ATRX: variants seen among roughly 807,000 people sequenced by gnomAD.
ATRX encodes chromatin remodeler ATRX.
A neutral mutation model predicts 172.6 loss-of-function variants in ATRX; 12 were observed. The observed-to-expected ratio is 0.07, with a 90% CI of 0.04 to 0.11. The LOEUF is 0.11. ATRX is among the 10% of genes least tolerant of loss of function. ATRX has a pLI of 1.00. For missense variants in ATRX, 1,368 were observed against 1,767.4 expected (o/e 0.77, Z 4.05); for synonymous variants, 674 against 594.7 (o/e 1.13, Z -1.94).
chrX:77,770,102 T>TA (rs1328684002), intron 1 of ATRX, among the ~76,000 whole-genome samples: 2 of 108,639 alleles, frequency 1.8e-5, no homozygotes, highest in Admixed American at 2.0e-4. Flanking sequence ...TGGGAAATGA[T>TA]AAACTTTTTT....
At chrX:77,521,335 A>G (rs1265813105) in intron 33 of ATRX, 68 bp downstream of exon 33, 2 of 868,287 alleles carry the variant, frequency 2.3e-6, no homozygotes, top group Non-Finnish European at 3.4e-6. Flanking sequence ...AAAAATTTAA[A>G]AAAATGGCAG....
At chrX:77,640,653 G>C (rs2068609958) in intron 15 of ATRX, among the ~76,000 whole-genome samples, 1 of 110,663 alleles carries the variant, frequency 9.0e-6, no homozygotes. Context: ...CCTCAGAGTA[G>C]GAAAACCAAC....
At chrX:77,659,749 G>A (rs1325280993) in intron 12 of ATRX, among the ~76,000 whole-genome samples, 2 of 111,336 alleles carry the variant, frequency 1.8e-5, no homozygotes, top group Non-Finnish European at 3.8e-5. Flanking sequence ...TTCACATGTT[G>A]CACTTTGTTC....
At chrX:77,664,866 A>C (rs1175717590) in intron 10 of ATRX, 88 bp from the exon 11 acceptor site, 11 of 891,924 alleles carry the variant, frequency 1.2e-5, no homozygotes, top group Non-Finnish European at 1.7e-5. Flanking sequence ...TCTTTGAATC[A>C]AAATAGAAAT....
chrX:77,664,118 T>G (rs868929363), intron 11 of ATRX, among the ~76,000 whole-genome samples: 13 of 108,485 alleles, frequency 1.2e-4, no homozygotes, highest in African/African-American at 3.7e-4. Flanking sequence ...AAAAAAAAAA[T>G]CATCTGTTTA....
At chrX:77,556,869 G>C (rs1217748853) in intron 30 of ATRX, among the ~76,000 whole-genome samples, 6 of 111,944 alleles carry the variant, frequency 5.4e-5, no homozygotes, top group Non-Finnish European at 7.5e-5. Flanking sequence ...ATGATTTGAA[G>C]ACCAGCTTTA....
At chrX:77,554,957 G>A (rs950020253) in intron 30 of ATRX, among the ~76,000 whole-genome samples, 1 of 111,891 alleles carries the variant, frequency 8.9e-6, no homozygotes, top group Admixed American at 9.5e-5. Flanking sequence ...AAGCAGGCAC[G>A]TCCTCTCTTT....
intron 9 of ATRX, 147 bp from the exon 10 acceptor site, chrX:77,676,445 T>A (rs1215968060): frequency 2.1e-5 from 9 of 423,203 alleles, no homozygotes; most frequent in Non-Finnish European, 3.7e-5. Flanking sequence ...AAAGCATTCT[T>A]ATAGAAAACA....
At chrX:77,632,814 T>C (rs2068173627) in intron 19 of ATRX, among the ~76,000 whole-genome samples, 2 of 111,660 alleles carry the variant, frequency 1.8e-5, no homozygotes, top group African/African-American at 3.3e-5. Context: ...TAAAAGGAGA[T>C]AAGCAAGCAG....
chrX:77,688,932 G>A lies in ATRX; in HGVS notation c.485-5C>T, dbSNP rs1557145565. 8.6e-7 allele frequency: 1 copy of A among 1,166,664 alleles called. No homozygotes were observed. On this transcript the variant is annotated splice_region_variant and splice_polypyrimidine_tract_variant and intron_variant, in intron 6 of 34. Transcript: ENST00000373344. ...CAATCCCATGAAGCCCATCTTCTAG[G>A]AGAAAGGAGTGGCTATTATTCACAC...
In ATRX at chrX:77,652,174, T is replaced by C. The variant is rs1277483162; in HGVS notation, c.4497A>G (p.Glu1499=). The change falls in exon 15 of 35, where the codon GAA becomes GAG. Residue 1499 remains glutamate, a synonymous_variant. Transcript: ENST00000373344. ...CAATACGTTTTCGTCTCTCTTCCTC[T>C]TCCTTAAGAGCATTTTGTGTTTCTG... ...LRTETQNALK[E]EEERRKRIAE... The C allele has an allele frequency of 8.3e-7, 1 of 1,211,767 alleles. No individual in the cohort carries two copies. The highest frequency in any genetic ancestry group is 1.1e-6 in the Non-Finnish European group (1 of 895,533).
At chrX:77,518,391 T>G (rs2063122024) in intron 34 of ATRX, among the ~76,000 whole-genome samples, 1 of 111,611 alleles carries the variant, frequency 9.0e-6, no homozygotes, top group Admixed American at 9.5e-5. Flanking sequence ...ATTGAGAAAG[T>G]AATCCCATTT....
At chrX:77,641,300 G>A (rs1238138261) in intron 15 of ATRX, among the ~76,000 whole-genome samples, 8 of 111,067 alleles carry the variant, frequency 7.2e-5, no homozygotes, top group African/African-American at 1.3e-4. Flanking sequence ...CAAATAGGCC[G>A]GGTGTGGTGG....
intron 15 of ATRX, among the ~76,000 whole-genome samples, chrX:77,650,372 C>A (rs2069152848): frequency 9.0e-6 from 1 of 111,410 alleles, no homozygotes; most frequent in Non-Finnish European, 1.9e-5. Flanking sequence ...AATATAGAAG[C>A]CAGTGAAACT....
rs1189535345 is a variant in ATRX, at chrX:77,636,416, C to T, written c.4558-360G>A. 3.6e-5 allele frequency among the ~76,000 whole-genome samples: 4 copies of T among 111,348 alleles called. No homozygotes were observed. In the East Asian group the frequency reaches 1.1e-3, roughly 31 times the overall value. ...GCTCCTGCTCCCACCATGTGAGGTG[C>T]CTCACTCCCCCTTTGCTTTCTGCCA... On this transcript the variant is annotated intron_variant, in intron 15 of 34. Transcript: ENST00000373344.
intron 2 of ATRX, among the ~76,000 whole-genome samples, chrX:77,699,141 CT>C (rs1156542649): frequency 3.3e-3 from 358 of 108,087 alleles, no homozygotes; most frequent in African/African-American, 0.011. Flanking sequence ...CCTTTTCCTC[CT>C]TTTTTTTTAG....
intron 10 of ATRX, among the ~76,000 whole-genome samples, chrX:77,672,445 C>A (rs1162469406): frequency 1.8e-5 from 2 of 109,983 alleles, no homozygotes; most frequent in Non-Finnish European, 3.8e-5. Context: ...ATCCAGAAAT[C>A]ATTAGTTTCC....
At chrX:77,692,185 G>A (rs782031552) in intron 6 of ATRX, among the ~76,000 whole-genome samples, 17 of 111,757 alleles carry the variant, frequency 1.5e-4, no homozygotes, top group Admixed American at 2.9e-4. Flanking sequence ...ACACAATGCA[G>A]AACACTTAGT....
At chrX:77,754,083 A>C (rs1557188912) in intron 1 of ATRX, among the ~76,000 whole-genome samples, 1 of 111,644 alleles carries the variant, frequency 9.0e-6, no homozygotes, top group East Asian at 2.8e-4. Context: ...CTTAACCATT[A>C]TGTAATGCCC....
Sources: gnomAD v4.1 joint callset for allele counts (sites outside exome capture counted in the v4.1 genomes callset) on GRCh38, gnomAD v4.1.1 for gene constraint, MANE v1.5 for transcripts, NCBI Gene and HGNC (gene_info 2026-07-23, HGNC 2026-07-21) for gene names.